Variants in RORB observed in about 807,000 individuals in gnomAD.
RORB encodes the protein nuclear receptor ROR-beta.
A neutral mutation model predicts 59.1 loss-of-function variants in RORB; 6 were observed. The ratio of observed to expected loss-of-function variants is 0.10; its 90% CI spans 0.06 to 0.20. The LOEUF is 0.20. RORB is among the 10% of genes least tolerant of loss of function. The probability of loss-of-function intolerance (pLI) is 1.00; values close to 1 mark genes in which losing one functional copy is unlikely to be tolerated. For synonymous variants in RORB, 215 were observed against 204.5 expected, an observed-to-expected ratio of 1.05 and a Z score of -0.44; for missense variants, 320 against 560.5, an observed-to-expected ratio of 0.57 and a Z score of 4.33.
At chr9:74,660,491 C>A in intron 4 of RORB, 126 bp from the exon 5 acceptor site, 2 of 693,342 alleles carry the variant, frequency 2.9e-6, no homozygotes, top group African/African-American at 1.8e-5. Flanking sequence ...AGATAGATAG[C>A]AATGTTAAAG....
chr9:74,667,926 C>A (rs1824293054), intron 8 of RORB, 25 bp downstream of exon 8: 1 of 1,454,296 alleles, frequency 6.9e-7, no homozygotes, highest in African/African-American at 1.4e-5. Flanking sequence ...GTTCTCTTAC[C>A]TTTTTAAAAA....
chr9:74,685,181 A>G (rs1436850952), intron 9 of RORB, among the ~76,000 whole-genome samples: 1 of 151,032 alleles, frequency 6.6e-6, no homozygotes, highest in Admixed American at 6.6e-5. Context: ...CTATTAAACT[A>G]GAAAACCTCT....
intron 1 of RORB, among the ~76,000 whole-genome samples, chr9:74,536,556 C>G (rs1423620052): frequency 6.6e-6 from 1 of 151,906 alleles, no homozygotes; most frequent in Non-Finnish European, 1.5e-5. Context: ...CAACTGTAAA[C>G]CTCCCTGCTC....
chr9:74,587,535 A>T (rs1822819567), intron 1 of RORB, among the ~76,000 whole-genome samples: 1 of 152,186 alleles, frequency 6.6e-6, no homozygotes, highest in African/African-American at 2.4e-5. Context: ...CTGTGGGTCA[A>T]CTGGGTGGTT....
At chr9:74,653,393 A>G (rs1397358119) in intron 4 of RORB, among the ~76,000 whole-genome samples, 3 of 152,182 alleles carry the variant, frequency 2.0e-5, no homozygotes, top group Non-Finnish European at 4.4e-5. Flanking sequence ...CAAGTGACAA[A>G]TTAAAAATTC....
intron 1 of RORB, among the ~76,000 whole-genome samples, chr9:74,592,859 ACACATG>A (rs1379876527): frequency 1.3e-5 from 2 of 152,130 alleles, no homozygotes; most frequent in African/African-American, 2.4e-5. Flanking sequence ...GAACATGCAC[ACACATG>A]CACATGCACA....
chr9:74,668,111 C>T (rs1005693766), intron 8 of RORB, among the ~76,000 whole-genome samples: 1 of 152,140 alleles, frequency 6.6e-6, no homozygotes, highest in Admixed American at 6.5e-5. Flanking sequence ...AAGAGTAGAG[C>T]ATAGGTTAGG....
intron 2 of RORB, among the ~76,000 whole-genome samples, chr9:74,632,598 A>G (rs112769243): frequency 1.3e-5 from 2 of 152,168 alleles, no homozygotes; most frequent in African/African-American, 4.8e-5. Flanking sequence ...CTCATTTGCA[A>G]TAATGAGCAA....
At chr9:74,532,803 C>CGTATATATATACACATATATATGT (rs1220190072) in intron 1 of RORB, among the ~76,000 whole-genome samples, 2,298 of 140,116 alleles carry the variant, frequency 0.016, 77 homozygotes, top group African/African-American at 0.059. Context: ...TACATAGATA[C>CGTATATATATACACATATATATGT]GTATATATAT....
At chr9:74,601,076 A>C (rs1328936068) in intron 1 of RORB, among the ~76,000 whole-genome samples, 1 of 152,156 alleles carries the variant, frequency 6.6e-6, no homozygotes. Context: ...AGTAAGAGGC[A>C]TGAGATAGGC....
chr9:74,561,946 C>A (rs1822401539), intron 1 of RORB, among the ~76,000 whole-genome samples: 2 of 152,100 alleles, frequency 1.3e-5, no homozygotes, highest in South Asian at 4.1e-4. Flanking sequence ...AATGTCACTC[C>A]ACTCAATTTG....
intron 1 of RORB, among the ~76,000 whole-genome samples, chr9:74,508,052 A>G (rs1016439100): frequency 1.1e-4 from 16 of 152,050 alleles, no homozygotes; most frequent in Admixed American, 1.0e-3. Flanking sequence ...CTAAAATTAA[A>G]TTTAAAACAA....
At chr9:74,514,592 TAAGTGA>T (rs1358221279) in intron 1 of RORB, among the ~76,000 whole-genome samples, 1 of 151,452 alleles carries the variant, frequency 6.6e-6, no homozygotes, top group Non-Finnish European at 1.5e-5. Context: ...AAATGTTGAA[TAAGTGA>T]GTAGAAGTAT....
intron 1 of RORB, among the ~76,000 whole-genome samples, chr9:74,504,519 T>A (rs1273694695): frequency 6.6e-6 from 1 of 152,076 alleles, no homozygotes. Flanking sequence ...TTGCTTTGAC[T>A]TAAGCATGTT....
At chr9:74,560,166 C>T (rs965896) in intron 1 of RORB, among the ~76,000 whole-genome samples, 62,894 of 151,942 alleles carry the variant, frequency 0.41, 14,020 homozygotes, top group East Asian at 0.77. Context: ...TCATACAATA[C>T]GTCGTTTAGG....
chr9:74,545,948 G>T (rs145767891), intron 1 of RORB, among the ~76,000 whole-genome samples: 2 of 152,260 alleles, frequency 1.3e-5, no homozygotes, highest in African/African-American at 4.8e-5. Flanking sequence ...ATGCAAAGGC[G>T]TAAAAATAAA....
chr9:74,567,845 A>C (rs1334972815), intron 1 of RORB, among the ~76,000 whole-genome samples: 2 of 152,176 alleles, frequency 1.3e-5, no homozygotes, highest in Non-Finnish European at 2.9e-5. Context: ...TTTCTTTGGA[A>C]TGGAAGTGCC....
chr9:74,649,172 A>C (rs1479133236), intron 4 of RORB, among the ~76,000 whole-genome samples: 1 of 150,942 alleles, frequency 6.6e-6, no homozygotes, highest in Non-Finnish European at 1.5e-5. Flanking sequence ...CTGGTCTTGA[A>C]CTCCTGACCT....
rs1015580691 is a variant in RORB, at chr9:74,691,975, G to A, written c.*6357G>A. 4 of 152,146 alleles carry A rather than the reference G, an allele frequency of 2.6e-5. No homozygotes were observed. Among genetic ancestry groups the A allele is most frequent in the Admixed American group, 2.0e-4 (3 of 15,274 alleles). 9.4% of individuals were successfully genotyped at this position (152,146 alleles called of 1,614,324 possible). A position where few individuals can be genotyped will look rare whatever the true frequency, so the allele number is the denominator to read the frequency against. ...AAAATTAAAAAAAAAAGTTGCCTGA[G>A]TTAAGTCATCTTTCCTTGTAGCAAA... On this transcript the variant is annotated 3_prime_UTR_variant, in exon 10 of 10. Coordinates refer to ENST00000376896, the MANE Select transcript of RORB (RefSeq NM_006914.4).
Sources: gnomAD v4.1 joint callset for allele counts (sites outside exome capture counted in the v4.1 genomes callset) on GRCh38, gnomAD v4.1.1 for gene constraint, MANE v1.5 for transcripts, NCBI Gene and HGNC (gene_info 2026-07-23, HGNC 2026-07-21) for gene names.